The following GPHN variants were observed in gnomAD, a reference collection of about 807,000 sequenced individuals.
GPHN encodes gephyrin.
Under a neutral mutation model 95.5 loss-of-function variants are expected in GPHN, and 17 were observed. The observed-to-expected ratio is 0.18, with a 90% CI of 0.12 to 0.27. The LOEUF (loss-of-function observed/expected upper bound fraction) is 0.27, where lower values mean the gene tolerates loss of function less well. Ranked by LOEUF, GPHN falls within the 10% of genes least tolerant of loss-of-function variation. GPHN has a pLI of 1.00. For synonymous variants in GPHN, 320 were observed against 322.5 expected, an observed-to-expected ratio of 0.99 and a Z score of 0.08; for missense variants, 660 against 978.1, an observed-to-expected ratio of 0.67 and a Z score of 4.34.
At chr14:66,680,593 T>C (rs1389213888) in intron 1 of GPHN, among the ~76,000 whole-genome samples, 3 of 152,204 alleles carry the variant, frequency 2.0e-5, no homozygotes, top group Non-Finnish European at 2.9e-5. Flanking sequence ...AGTAGTGTCC[T>C]TCTTTCTTAG....
intron 2 of GPHN, among the ~76,000 whole-genome samples, chr14:66,729,410 G>A (rs528866339): frequency 1.3e-5 from 2 of 152,294 alleles, no homozygotes; most frequent in East Asian, 3.9e-4. Flanking sequence ...TCTAGTTTGT[G>A]TGTAGAAAGT....
chr14:66,693,150 T>C (rs1595574045), intron 2 of GPHN, among the ~76,000 whole-genome samples: 1 of 152,106 alleles, frequency 6.6e-6, no homozygotes, highest in East Asian at 1.9e-4. Context: ...TTTATAAATC[T>C]CTATAATCTC....
the GPHN span, among the ~76,000 whole-genome samples, chr14:67,493,234 T>A: frequency 6.6e-6 from 1 of 152,214 alleles, no homozygotes; most frequent in Non-Finnish European, 1.5e-5. Context: ...CTGAAAGTAA[T>A]CTTACCCATC....
the GPHN span, among the ~76,000 whole-genome samples, chr14:67,349,732 T>C: frequency 2.0e-5 from 3 of 152,218 alleles, no homozygotes; most frequent in South Asian, 4.2e-4. Context: ...TTATAGAAAG[T>C]ATCTTCCCCA....
intron 3 of GPHN, among the ~76,000 whole-genome samples, chr14:66,795,639 T>A (rs1171085123): frequency 1.3e-5 from 2 of 152,152 alleles, no homozygotes; most frequent in African/African-American, 4.8e-5. Context: ...TAGTTTCTAC[T>A]AATAATAATC....
At chr14:67,177,177 C>T (rs192938987) in intron 21 of GPHN, among the ~76,000 whole-genome samples, 1 of 152,234 alleles carries the variant, frequency 6.6e-6, no homozygotes, top group Admixed American at 6.5e-5. Context: ...GTTAGGATGT[C>T]GATTTTAGAT....
intron 11 of GPHN, among the ~76,000 whole-genome samples, chr14:67,072,791 TA>T (rs5809329): frequency 0.34 from 48,493 of 143,928 alleles, 12,294 homozygotes; most frequent in African/African-American, 0.7. Flanking sequence ...GTTAACTTCC[TA>T]AAAAAAAAAA....
the GPHN span, among the ~76,000 whole-genome samples, chr14:67,315,268 ATTTTTTTTTT>A: frequency 5.9e-5 from 6 of 101,586 alleles, no homozygotes; most frequent in East Asian, 1.8e-3. Context: ...CTTATTTTTA[ATTTTTTTTTT>A]TTTTTTTTTT....
chr14:67,516,985 C>A, the GPHN span, among the ~76,000 whole-genome samples: 1 of 152,166 alleles, frequency 6.6e-6, no homozygotes, highest in Admixed American at 6.5e-5. Flanking sequence ...CCAAGGACAT[C>A]ATGCATATAA....
chr14:66,647,050 C>T (rs995556200), intron 1 of GPHN, among the ~76,000 whole-genome samples: 38 of 148,214 alleles, frequency 2.6e-4, no homozygotes, highest in Non-Finnish European at 4.9e-4. Context: ...GCACATGCCA[C>T]CATACCTGGC....
At chr14:66,757,906 T>C (rs1378019597) in intron 2 of GPHN, among the ~76,000 whole-genome samples, 2 of 152,192 alleles carry the variant, frequency 1.3e-5, no homozygotes, top group African/African-American at 2.4e-5. Flanking sequence ...GTGAGTGGAA[T>C]AGAATTTATT....
the GPHN span, among the ~76,000 whole-genome samples, chr14:67,358,964 C>T: frequency 1.3e-5 from 2 of 152,290 alleles, no homozygotes; most frequent in South Asian, 4.1e-4. Flanking sequence ...GGAGAGAGCC[C>T]ACAGTCTAGT....
At chr14:66,837,272 T>G (rs1037267461) in intron 4 of GPHN, among the ~76,000 whole-genome samples, 11 of 151,630 alleles carry the variant, frequency 7.3e-5, no homozygotes, top group African/African-American at 1.9e-4. Context: ...CCATAAAAAA[T>G]GATGAGTTCA....
the GPHN span, among the ~76,000 whole-genome samples, chr14:67,247,904 G>A: frequency 4.6e-5 from 7 of 152,138 alleles, no homozygotes; most frequent in African/African-American, 1.7e-4. Context: ...TAAAGGAAAA[G>A]TATTCAGTCT....
the GPHN span, among the ~76,000 whole-genome samples, chr14:67,304,483 T>A: frequency 4.2e-4 from 64 of 152,316 alleles, no homozygotes; most frequent in Middle Eastern, 3.4e-3. Context: ...AGTACTGATA[T>A]ATGCTACAAC....
At chr14:67,631,312 T>C in the GPHN span, among the ~76,000 whole-genome samples, 1 of 152,190 alleles carries the variant, frequency 6.6e-6, no homozygotes, top group Admixed American at 6.5e-5. Flanking sequence ...TCTAATACAA[T>C]GAACAGATGA....
chr14:67,651,655 C>A, the GPHN span: 2 of 525,834 alleles, frequency 3.8e-6, no homozygotes, highest in Non-Finnish European at 6.4e-6. Flanking sequence ...AGGGATAACA[C>A]TGTCTACCTC....
At chr14:67,420,129 G>A in the GPHN span, among the ~76,000 whole-genome samples, 1 of 152,206 alleles carries the variant, frequency 6.6e-6, no homozygotes, top group African/African-American at 2.4e-5. Context: ...ACCATGGCAT[G>A]CCCTCTGAAA....
At chr14:67,435,455 A>G in the GPHN span, among the ~76,000 whole-genome samples, 1 of 152,296 alleles carries the variant, frequency 6.6e-6, no homozygotes, top group Middle Eastern at 3.4e-3. Flanking sequence ...TTTGGAGGGG[A>G]CATTCGAACC....
Sources: gnomAD v4.1 joint callset for allele counts (sites outside exome capture counted in the v4.1 genomes callset) on GRCh38, gnomAD v4.1.1 for gene constraint, MANE v1.5 for transcripts, NCBI Gene and HGNC (gene_info 2026-07-23, HGNC 2026-07-21) for gene names.